Variants in SLC26A8 observed in about 807,000 individuals in gnomAD.
SLC26A8 encodes solute carrier family 26 member 8, also known as testis anion transporter 1.
Under a neutral mutation model 105.0 loss-of-function variants are expected in SLC26A8, and 70 were observed. The observed-to-expected ratio is 0.67, with a 90% CI of 0.55 to 0.81. SLC26A8 has a LOEUF of 0.81. Ranked by LOEUF, SLC26A8 falls within the 40% of genes least tolerant of loss-of-function variation. The pLI is 0.00. For synonymous variants in SLC26A8, 415 were observed against 438.3 expected, an observed-to-expected ratio of 0.95 and a Z score of 0.66; for missense variants, 998 against 1,181.8, an observed-to-expected ratio of 0.84 and a Z score of 2.28.
intron 1 of SLC26A8, chr6:36,024,188 C>T: frequency 3.7e-6 from 1 of 271,244 alleles, no homozygotes; most frequent in Non-Finnish European, 7.2e-6. Context: ...ATGGGGTAGG[C>T]GGTGGGGTGC....
intron 19 of SLC26A8, among the ~76,000 whole-genome samples, chr6:35,944,695 T>C (rs1252695406): frequency 1.3e-5 from 2 of 151,880 alleles, no homozygotes; most frequent in African/African-American, 2.4e-5. Context: ...AGCAACACAG[T>C]GAGACTGTCT....
Position 35,975,367 on chromosome 6 carries a change from C to A in SLC26A8, c.1287+8G>T. The A allele has an allele frequency of 6.6e-7, 1 of 1,518,240 alleles. No individual in the cohort carries two copies. The highest frequency in any genetic ancestry group is 1.1e-5 in the South Asian group (1 of 88,090). 94.0% of individuals were successfully genotyped at this position (1,518,240 alleles called of 1,614,324 possible). ...ATGTATTAGAGATCAAATTGTATTT[C>A]AACATACCTGTTGTCTTCCTCCAGA... On this transcript the variant is annotated splice_region_variant and intron_variant, in intron 10 of 19. Coordinates refer to ENST00000490799, the MANE Select transcript of SLC26A8 (RefSeq NM_052961.4).
intron 7 of SLC26A8, chr6:35,989,391 T>C (rs1171751050): frequency 6.6e-6 from 1 of 152,244 alleles, no homozygotes; most frequent in Non-Finnish European, 1.5e-5. Context: ...CATAATGTTT[T>C]TGAAATCCAT....
At chr6:35,973,524 C>T (rs571633499) in intron 10 of SLC26A8, among the ~76,000 whole-genome samples, 16 of 152,180 alleles carry the variant, frequency 1.1e-4, no homozygotes, top group African/African-American at 3.6e-4. Flanking sequence ...CGTAAACTTT[C>T]TTAAAACATT....
intron 7 of SLC26A8, 129 bp from the exon 8 acceptor site, chr6:35,982,332 T>C (rs911804640): frequency 1.3e-6 from 1 of 796,630 alleles, no homozygotes. Context: ...TCCCTATGCA[T>C]GCAAGTTGGA....
intron 2 of SLC26A8, among the ~76,000 whole-genome samples, chr6:36,018,163 A>G (rs559965402): frequency 6.6e-6 from 1 of 152,356 alleles, no homozygotes; most frequent in South Asian, 2.1e-4. Flanking sequence ...GATGTGATTC[A>G]ACAATTCTAG....
chr6:35,966,833 G>A (rs1772534841), intron 11 of SLC26A8, among the ~76,000 whole-genome samples: 1 of 152,126 alleles, frequency 6.6e-6, no homozygotes, highest in South Asian at 2.1e-4. Context: ...TAAAATTAAT[G>A]TGATGTAATA....
At chr6:35,990,332 CT>C in intron 7 of SLC26A8, 1 of 296,090 alleles carries the variant, frequency 3.4e-6, no homozygotes, top group Non-Finnish European at 6.5e-6. Context: ...GGTATGGGTT[CT>C]TATTGAACAA....
chr6:36,020,321 G>A (rs1581704529), intron 1 of SLC26A8, among the ~76,000 whole-genome samples: 1 of 152,278 alleles, frequency 6.6e-6, no homozygotes, highest in East Asian at 1.9e-4. Context: ...CTTTCACTTA[G>A]CAACTTAGCA....
chr6:36,011,502 T>A (rs1581696143), intron 3 of SLC26A8, among the ~76,000 whole-genome samples: 1 of 152,338 alleles, frequency 6.6e-6, no homozygotes, highest in Admixed American at 6.5e-5. Context: ...ATCTGTGTGA[T>A]CTTGTTGTCT....
At chr6:36,005,294 A>T (rs1490500189) in intron 3 of SLC26A8, among the ~76,000 whole-genome samples, 2 of 152,176 alleles carry the variant, frequency 1.3e-5, no homozygotes, top group African/African-American at 4.8e-5. Flanking sequence ...AGAGCTAGGA[A>T]ATTAACATTA....
At chr6:35,999,061 A>T (rs1271934835) in intron 4 of SLC26A8, among the ~76,000 whole-genome samples, 1 of 151,824 alleles carries the variant, frequency 6.6e-6, no homozygotes, top group Non-Finnish European at 1.5e-5. Context: ...CGCCTAACTA[A>T]TTTTTTGTAT....
intron 19 of SLC26A8, among the ~76,000 whole-genome samples, chr6:35,949,724 ATTAG>A (rs201142146): frequency 0.01 from 1,574 of 152,172 alleles, 16 homozygotes; most frequent in African/African-American, 0.026. Flanking sequence ...ATTCAAACCA[ATTAG>A]TTAGTCATTA....
At position 35,955,314 on chromosome 6, in the gene SLC26A8, T is replaced by C. The variant is rs2127294436; in HGVS notation, c.2070A>G (p.Ser690=). ...VEEVWLPNNS[S]RNSSPGLPDV... is the part of the protein sequence containing the mutation. Reference sequence around the variant, plus strand: ...CAGGCAGTCCTGGTGAGCTGTTTCTTGATGAGTTATTAGGAAGCCAAACTT... The same window carrying C: ...CAGGCAGTCCTGGTGAGCTGTTTCTCGATGAGTTATTAGGAAGCCAAACTT... The change falls in exon 17 of 20, where the codon TCA becomes TCG. Residue 690 remains serine, a synonymous_variant. Coordinates refer to ENST00000490799, the MANE Select transcript of SLC26A8 (RefSeq NM_052961.4). The C allele has an allele frequency of 6.2e-7, 1 of 1,614,200 alleles. No homozygotes were observed. Among genetic ancestry groups the C allele is most frequent in the Non-Finnish European group, 8.5e-7 (1 of 1,180,024 alleles).
Position 35,960,992 on chromosome 6 carries a change from C to T in SLC26A8, c.1568+1G>A. ...ACCTCCTATTACCTGAGACAAAGTA[C>T]CTGTGTGAACGAACAGTGGTGATGA... On this transcript the variant is annotated splice_donor_variant, in intron 13 of 19. Transcript: ENST00000490799. LOFTEE classifies it high-confidence loss of function. 1.9e-6 allele frequency: 3 copies of T among 1,613,950 alleles called. No individual in the cohort carries two copies. Among genetic ancestry groups the T allele is most frequent in the Non-Finnish European group, 2.5e-6 (3 of 1,179,908 alleles).
At chr6:35,962,014 T>G (rs1274309292) in intron 12 of SLC26A8, among the ~76,000 whole-genome samples, 1 of 152,078 alleles carries the variant, frequency 6.6e-6, no homozygotes, top group Non-Finnish European at 1.5e-5. Context: ...GATCACAAGG[T>G]TAGGAGTTTG....
chr6:36,003,638 G>A (rs1761590892), intron 3 of SLC26A8, among the ~76,000 whole-genome samples: 1 of 150,822 alleles, frequency 6.6e-6, no homozygotes, highest in African/African-American at 2.4e-5. Context: ...TGGCGTTTAT[G>A]ATAATAATTT....
At chr6:35,997,288 C>A (rs1008981071) in intron 5 of SLC26A8, among the ~76,000 whole-genome samples, 3 of 152,182 alleles carry the variant, frequency 2.0e-5, no homozygotes, top group Non-Finnish European at 4.4e-5. Context: ...GTGAACTGCA[C>A]ATGCGAGGAA....
intron 10 of SLC26A8, among the ~76,000 whole-genome samples, chr6:35,972,061 C>T (rs1772818730): frequency 1.3e-5 from 2 of 152,298 alleles, no homozygotes; most frequent in South Asian, 4.1e-4. Flanking sequence ...TTGCTGCAGC[C>T]ACTGGAGGGA....
Sources: allele counts gnomAD v4.1 joint callset (sites outside exome capture counted in the v4.1 genomes callset), GRCh38; gene constraint gnomAD v4.1.1; transcripts MANE v1.5; gene names NCBI Gene and HGNC (gene_info 2026-07-23, HGNC 2026-07-21).